PTPN13: variants seen among roughly 807,000 people sequenced by gnomAD.
PTPN13 encodes tyrosine-protein phosphatase non-receptor type 13.
In PTPN13, 191 loss-of-function variants were observed where a neutral mutation model predicts 284.0. The ratio of observed to expected loss-of-function variants is 0.67; its 90% CI spans 0.60 to 0.76. PTPN13 has a LOEUF of 0.76. Among genes scored for constraint, PTPN13 ranks in the 30% least tolerant of loss-of-function variants. PTPN13 has a pLI of 0.00. For missense variants in PTPN13, 2,797 were observed against 2,939.9 expected (o/e 0.95, Z 1.12); for synonymous variants, 986 against 1,022.3 (o/e 0.96, Z 0.68).
chr4:86,608,723 A>C (rs529519125), intron 1 of PTPN13, among the ~76,000 whole-genome samples: 1 of 152,116 alleles, frequency 6.6e-6, no homozygotes, highest in Non-Finnish European at 1.5e-5. Context: ...GTGCCTAAAC[A>C]CTATGCACTA....
At chr4:86,633,522 T>C (rs1722689929) in intron 1 of PTPN13, among the ~76,000 whole-genome samples, 1 of 152,182 alleles carries the variant, frequency 6.6e-6, no homozygotes, top group African/African-American at 2.4e-5. Flanking sequence ...CCTCCCACTT[T>C]GGAGGAGACA....
chr4:86,774,349 AGT>A (rs1420555700), intron 32 of PTPN13, 22 bp from the exon 33 acceptor site: 39 of 1,588,382 alleles, frequency 2.5e-5, no homozygotes, highest in African/African-American at 4.0e-5. Context: ...ACAACCTAAA[AGT>A]ATTACTGCTT....
At chr4:86,611,425 G>C (rs1719871463) in intron 1 of PTPN13, among the ~76,000 whole-genome samples, 1 of 152,132 alleles carries the variant, frequency 6.6e-6, no homozygotes, top group Non-Finnish European at 1.5e-5. Flanking sequence ...GATTGAACTG[G>C]GATGCCATTT....
chr4:86,637,166 C>A (rs535634247), intron 2 of PTPN13, among the ~76,000 whole-genome samples: 93 of 152,170 alleles, frequency 6.1e-4, no homozygotes, highest in Middle Eastern at 3.4e-3. Context: ...ATAACAGGAT[C>A]TGAAATTGTG....
rs563965038 is a variant in PTPN13 at position 86,682,770 on chromosome 4, G to A, written c.295-3940G>A. On this transcript the variant is annotated intron_variant, in intron 3 of 47. Transcript: ENST00000411767. ...CTTTATCCCTGTGTCTTTTCAGGCT[G>A]CACCAACAGTACAAACGCTTTTAAT... 1.6e-4 allele frequency among the ~76,000 whole-genome samples: 25 copies of A among 152,244 alleles called. No homozygotes were observed. The South Asian group carries it at 3.3e-3, about 20-fold the overall frequency.
intron 3 of PTPN13, among the ~76,000 whole-genome samples, chr4:86,681,212 C>T (rs1039264066): frequency 1.3e-5 from 2 of 152,118 alleles, no homozygotes; most frequent in African/African-American, 4.8e-5. Context: ...CCTTGAGTTT[C>T]CTTAGCACAA....
At chr4:86,637,210 C>T (rs1295379443) in intron 2 of PTPN13, among the ~76,000 whole-genome samples, 1 of 151,792 alleles carries the variant, frequency 6.6e-6, no homozygotes, top group Non-Finnish European at 1.5e-5. Flanking sequence ...CAAAAAGAGT[C>T]CAGGACCAGA....
chr4:86,618,153 A>C (rs1292837752), intron 1 of PTPN13, among the ~76,000 whole-genome samples: 2 of 152,004 alleles, frequency 1.3e-5, no homozygotes, highest in Non-Finnish European at 2.9e-5. Context: ...ATGGCTAGCC[A>C]GTTTTCCCAG....
intron 2 of PTPN13, among the ~76,000 whole-genome samples, chr4:86,664,340 G>A (rs1355114281): frequency 2.2e-4 from 33 of 152,144 alleles, no homozygotes; most frequent in Admixed American, 2.1e-3. Context: ...AATTTATACA[G>A]TTTCTGGTAT....
intron 1 of PTPN13, among the ~76,000 whole-genome samples, chr4:86,624,284 C>G (rs1177923653): frequency 6.6e-6 from 1 of 152,058 alleles, no homozygotes; most frequent in Non-Finnish European, 1.5e-5. Context: ...TTTGACTTCT[C>G]TCTACTTATT....
At chr4:86,796,588 T>C (rs897764388) in intron 40 of PTPN13, among the ~76,000 whole-genome samples, 12 of 151,976 alleles carry the variant, frequency 7.9e-5, no homozygotes, top group African/African-American at 2.9e-4. Flanking sequence ...GTTACATGAG[T>C]CATGATTGTA....
chr4:86,772,552 T>TCAA (rs760959923), intron 31 of PTPN13, among the ~76,000 whole-genome samples: 2 of 152,080 alleles, frequency 1.3e-5, no homozygotes, highest in Admixed American at 6.6e-5. Context: ...AGACCGTGTC[T>TCAA]CAACAACAAC....
At chr4:86,698,202 ATATGGGGAT>A (rs544122572) in intron 6 of PTPN13, among the ~76,000 whole-genome samples, 181 of 152,196 alleles carry the variant, frequency 1.2e-3, no homozygotes, top group African/African-American at 4.1e-3. Flanking sequence ...GTTGGATTTG[ATATGGGGAT>A]TAAATAAGGT....
intron 16 of PTPN13, among the ~76,000 whole-genome samples, chr4:86,743,269 TA>T (rs761009439): frequency 2.6e-5 from 4 of 152,218 alleles, no homozygotes; most frequent in Non-Finnish European, 4.4e-5. Context: ...TATGAACCTC[TA>T]ACCTATCTCT....
chr4:86,682,856 T>A (rs748267764), intron 3 of PTPN13, among the ~76,000 whole-genome samples: 1 of 152,224 alleles, frequency 6.6e-6, no homozygotes, highest in Non-Finnish European at 1.5e-5. Flanking sequence ...TTGGAATAAA[T>A]GTAAAAGCAT....
chr4:86,724,614 GAA>G (rs979933155), intron 10 of PTPN13, among the ~76,000 whole-genome samples: 2 of 152,090 alleles, frequency 1.3e-5, no homozygotes, highest in Non-Finnish European at 2.9e-5. Flanking sequence ...TATTTTTTCT[GAA>G]AAGAGCTGGA....
chr4:86,752,408 A>C (rs1737502988), intron 19 of PTPN13, among the ~76,000 whole-genome samples: 1 of 152,170 alleles, frequency 6.6e-6, no homozygotes, highest in Non-Finnish European at 1.5e-5. Flanking sequence ...TATACTATCA[A>C]TTTAATTTCA....
chr4:86,635,757 C>T (rs941950404), intron 2 of PTPN13, among the ~76,000 whole-genome samples: 7 of 151,982 alleles, frequency 4.6e-5, no homozygotes, highest in African/African-American at 1.4e-4. Context: ...TGAGGTCAGG[C>T]GGTTGAGACC....
chr4:86,745,061 C>G lies in PTPN13; in HGVS notation c.2583C>G (p.Cys861Trp). The G allele has an allele frequency of 6.2e-7, 1 of 1,612,174 alleles. No homozygotes were observed. Among genetic ancestry groups the G allele is most frequent in the Non-Finnish European group, 8.5e-7 (1 of 1,179,180 alleles). ...SKICQYLLHL[C>W]SYQHKFQLQM... is the part of the protein sequence containing the mutation. ...TATGCCAGTACCTGCTGCACCTCTG[C>G]TCTTACCAGCATAAGTTCCAGCTAC... The change falls in exon 17 of 48, where the codon TGC becomes TGG. Residue 861 changes from cysteine (C) to tryptophan (W), a missense_variant. Transcript: ENST00000411767.
Sources: gnomAD v4.1 joint callset for allele counts (sites outside exome capture counted in the v4.1 genomes callset) on GRCh38, gnomAD v4.1.1 for gene constraint, MANE v1.5 for transcripts, NCBI Gene and HGNC (gene_info 2026-07-23, HGNC 2026-07-21) for gene names.